The following ABHD12B variants were observed in gnomAD, a reference collection of about 807,000 sequenced individuals.
The protein encoded by ABHD12B is protein ABHD12B.
Under a neutral mutation model 50.4 loss-of-function variants are expected in ABHD12B, and 42 were observed. That is an observed-to-expected ratio of 0.83 (90% CI 0.65 to 1.08). The LOEUF is 1.08. ABHD12B is among the 50% of genes least tolerant of loss of function. The pLI is 0.00. For synonymous variants in ABHD12B, 167 were observed against 160.3 expected, an observed-to-expected ratio of 1.04 and a Z score of -0.32; for missense variants, 479 against 447.7, an observed-to-expected ratio of 1.07 and a Z score of -0.63.
At chr14:50,885,314 C>T (rs941001946) in intron 5 of ABHD12B, among the ~76,000 whole-genome samples, 1 of 152,322 alleles carries the variant, frequency 6.6e-6, no homozygotes, top group East Asian at 1.9e-4. Flanking sequence ...TCTGACAGTG[C>T]AACAAACTTT....
intron 8 of ABHD12B, 138 bp downstream of exon 8, chr14:50,886,822 A>G: frequency 1.5e-6 from 1 of 683,232 alleles, no homozygotes; most frequent in Non-Finnish European, 2.4e-6. Context: ...GCAGTGCAAC[A>G]GGCTTTCTTT....
At chr14:50,873,733 G>A (rs2049819786) in intron 1 of ABHD12B, among the ~76,000 whole-genome samples, 2 of 152,154 alleles carry the variant, frequency 1.3e-5, no homozygotes, top group South Asian at 4.1e-4. Flanking sequence ...TCACTTTGAT[G>A]GTCTCTGTGG....
intron 9 of ABHD12B, among the ~76,000 whole-genome samples, chr14:50,899,125 G>A (rs1411246610): frequency 2.6e-5 from 4 of 152,114 alleles, no homozygotes; most frequent in East Asian, 1.9e-4. Context: ...CCCGGGAGGC[G>A]GAGGTGCGGT....
At chr14:50,882,847 T>C (rs1406859505) in intron 5 of ABHD12B, among the ~76,000 whole-genome samples, 4 of 151,998 alleles carry the variant, frequency 2.6e-5, no homozygotes, top group Non-Finnish European at 5.9e-5. Flanking sequence ...GGTACTTGCC[T>C]GCAATTCCAG....
At position 50,876,361 on chromosome 14, in the gene ABHD12B, A is replaced by G. The variant is rs565461526; in HGVS notation, c.105-1591A>G. 2.0e-5 allele frequency among the ~76,000 whole-genome samples: 3 copies of G among 152,298 alleles called. No homozygotes were observed. In the East Asian group the frequency reaches 5.8e-4, roughly 29 times the overall value. ...CTCTTCGTGCCTCTTCCAAACACATATAAGTGCTCTGATTTTTAAGTCATT... is the reference window on the plus strand; with the variant it reads ...CTCTTCGTGCCTCTTCCAAACACATGTAAGTGCTCTGATTTTTAAGTCATT... On this transcript the variant is annotated intron_variant, in intron 1 of 12. Coordinates refer to ENST00000337334, the MANE Select transcript of ABHD12B (RefSeq NM_001206673.2).
intron 1 of ABHD12B, among the ~76,000 whole-genome samples, chr14:50,873,477 G>A (rs962827962): frequency 1.3e-5 from 2 of 152,180 alleles, no homozygotes; most frequent in East Asian, 3.8e-4. Context: ...ACCCCAAAGT[G>A]TTGGGATTAC....
intron 1 of ABHD12B, among the ~76,000 whole-genome samples, chr14:50,877,252 G>A (rs2049875979): frequency 6.6e-6 from 1 of 152,166 alleles, no homozygotes; most frequent in African/African-American, 2.4e-5. Context: ...AGGATCTAGG[G>A]ATTATTCCCT....
At chr14:50,881,287 G>A (rs1225561582) in intron 4 of ABHD12B, among the ~76,000 whole-genome samples, 1 of 152,096 alleles carries the variant, frequency 6.6e-6, no homozygotes, top group Admixed American at 6.6e-5. Flanking sequence ...ATCTTGGGAG[G>A]AGCACCTGCC....
chr14:50,892,778 AAG>A (rs1458801377), intron 9 of ABHD12B: 1 of 210,832 alleles, frequency 4.7e-6, no homozygotes, highest in Non-Finnish European at 8.2e-6. Context: ...TTTATGTACT[AAG>A]GCATACTTCA....
chr14:50,900,378 G>A (rs2142770500), intron 9 of ABHD12B, among the ~76,000 whole-genome samples: 1 of 152,338 alleles, frequency 6.6e-6, no homozygotes. Flanking sequence ...TTTATGAAGT[G>A]TCTATTATGT....
intron 4 of ABHD12B, 33 bp from the exon 5 acceptor site, chr14:50,881,563 C>CTTCT: frequency 2.8e-6 from 4 of 1,411,194 alleles, no homozygotes; most frequent in Middle Eastern, 2.4e-4. Context: ...CTAATTCTTG[C>CTTCT]TTTTTTTTTT....
intron 9 of ABHD12B, among the ~76,000 whole-genome samples, chr14:50,898,226 A>C (rs2050221388): frequency 6.6e-6 from 1 of 152,196 alleles, no homozygotes; most frequent in Non-Finnish European, 1.5e-5. Flanking sequence ...TTCCACTTAG[A>C]GATGAGAGAA....
chr14:50,902,043 G>A (rs1389150736), intron 10 of ABHD12B, 132 bp downstream of exon 10: 3 of 577,766 alleles, frequency 5.2e-6, no homozygotes, highest in Non-Finnish European at 8.7e-6. Flanking sequence ...ATTGTTCTGC[G>A]CTTCTTAGAT....
rs760531828 is a variant in ABHD12B at position 50,878,860 on chromosome 14, A to G, written c.335+13A>G. 32 of 1,609,210 alleles carry G rather than the reference A, an allele frequency of 2.0e-5. No homozygotes were observed. Among genetic ancestry groups the G allele is most frequent in the Admixed American group, 8.3e-5 (5 of 59,992 alleles). On this transcript the variant is annotated intron_variant, in intron 3 of 12. Transcript: ENST00000337334. ...TGCTAGGGATCTGGTGAGTGCACGG[A>G]TGGGACACCGGGTTGCTTGATGGGG...
chr14:50,883,765 A>C (rs1331180961), intron 5 of ABHD12B, among the ~76,000 whole-genome samples: 1 of 152,250 alleles, frequency 6.6e-6, no homozygotes, highest in East Asian at 1.9e-4. Context: ...TCATTGCCCA[A>C]CAGGACCAAA....
At chr14:50,887,745 T>G (rs1212712489) in intron 8 of ABHD12B, among the ~76,000 whole-genome samples, 1 of 152,206 alleles carries the variant, frequency 6.6e-6, no homozygotes, top group Non-Finnish European at 1.5e-5. Context: ...CTGAAGCTGG[T>G]CTTCAGTCTT....
chr14:50,887,598 C>A (rs931526118), intron 8 of ABHD12B, among the ~76,000 whole-genome samples: 1 of 152,000 alleles, frequency 6.6e-6, no homozygotes, highest in Non-Finnish European at 1.5e-5. Context: ...AAGGGCTACA[C>A]ATGGCTTATG....
In ABHD12B at chr14:50,896,102, C is replaced by G. The variant is rs566478905; in HGVS notation, c.781-5727C>G. ...ATACCTCTACTCCCTCCTTGGTGAC[C>G]GATCATGCACCCCTTACCATCTCAT... is the stretch of plus-strand genomic sequence containing the variant. On this transcript the variant is annotated intron_variant, in intron 9 of 12. Coordinates refer to ENST00000337334, the MANE Select transcript of ABHD12B (RefSeq NM_001206673.2). Among the ~76,000 whole-genome samples, 1,110 of 152,110 alleles carry G rather than the reference C, an allele frequency of 7.3e-3. 13 individuals are homozygous for G. The highest frequency in any genetic ancestry group is 0.026 in the African/African-American group (1,079 of 41,488).
chr14:50,896,102 C>A (rs566478905), intron 9 of ABHD12B, among the ~76,000 whole-genome samples: 3 of 151,998 alleles, frequency 2.0e-5, no homozygotes, highest in African/African-American at 7.3e-5. Context: ...CCTTGGTGAC[C>A]GATCATGCAC....
Sources: allele counts gnomAD v4.1 joint callset (sites outside exome capture counted in the v4.1 genomes callset), GRCh38; gene constraint gnomAD v4.1.1; transcripts MANE v1.5; gene names NCBI Gene and HGNC (gene_info 2026-07-23, HGNC 2026-07-21).